SRGAP3: variants seen among roughly 807,000 people sequenced by gnomAD.
SRGAP3 encodes SLIT-ROBO Rho GTPase activating protein 3.
Under a neutral mutation model 121.1 loss-of-function variants are expected in SRGAP3, and 39 were observed. That is an observed-to-expected ratio of 0.32 (90% CI 0.25 to 0.42). SRGAP3 has a LOEUF of 0.42. Among genes scored for constraint, SRGAP3 ranks in the 10% least tolerant of loss-of-function variants. The pLI, the probability that SRGAP3 is intolerant of heterozygous loss-of-function variation, is 1.00. For synonymous variants in SRGAP3, 601 were observed against 570.0 expected, an observed-to-expected ratio of 1.05 and a Z score of -0.77; for missense variants, 1,213 against 1,470.6, an observed-to-expected ratio of 0.82 and a Z score of 2.86.
intron 8 of SRGAP3, among the ~76,000 whole-genome samples, chr3:9,054,241 C>T (rs1945714829): frequency 6.6e-6 from 1 of 152,204 alleles, no homozygotes; most frequent in Non-Finnish European, 1.5e-5. Context: ...GGCAAACCTA[C>T]TTCATTATAC....
rs953277627 is a variant in SRGAP3, at chr3:9,032,707, C to T, written c.1482G>A (p.Arg494=). ...PPKPQKMRRP[R]PLSVYSHKLF... The stretch of plus-strand genomic sequence containing the variant: ...GTTTATGGCTATACACTGAGAGAGG[C>T]CTAGGTCTCCTCATTTTCTGTGGTT... The change falls in exon 12 of 22, where the codon AGG becomes AGA. Residue 494 remains arginine, a synonymous_variant. Coordinates refer to ENST00000383836, the MANE Select transcript of SRGAP3 (RefSeq NM_014850.4). 1 of 1,613,128 alleles carries T rather than the reference C, an allele frequency of 6.2e-7. No homozygotes were observed. Among genetic ancestry groups the T allele is most frequent in the South Asian group, 1.1e-5 (1 of 91,012 alleles).
chr3:9,316,642 G>A (rs1955351542), intron 3 of SRGAP3, among the ~76,000 whole-genome samples: 1 of 152,020 alleles, frequency 6.6e-6, no homozygotes, highest in Non-Finnish European at 1.5e-5. Flanking sequence ...CCTGGTGACA[G>A]AGACTCCATC....
chr3:9,165,816 A>G (rs1950768188), intron 1 of SRGAP3, among the ~76,000 whole-genome samples: 1 of 151,978 alleles, frequency 6.6e-6, no homozygotes, highest in South Asian at 2.1e-4. Flanking sequence ...CCCTATCACC[A>G]TTTGTCCTTC....
chr3:9,160,369 ACTC>A (rs991047634), intron 1 of SRGAP3, among the ~76,000 whole-genome samples: 1 of 151,566 alleles, frequency 6.6e-6, no homozygotes, highest in Admixed American at 6.6e-5. Context: ...GGCATTGTGG[ACTC>A]CTCCTTATTT....
Position 9,167,957 on chromosome 3 carries a change from T to C in SRGAP3, c.68-43040A>G, listed in dbSNP as rs368366715. ...ACCTAATGACAAATAATGGTAGCTA[T>C]AGCATTTGTACAGCCATTTCCAATT... On this transcript the variant is annotated intron_variant, in intron 1 of 21. Transcript: ENST00000383836. Among the ~76,000 whole-genome samples the C allele has an allele frequency of 7.8e-4, 119 of 152,344 alleles. 2 individuals are homozygous for C. The South Asian group carries it at 0.024, about 30-fold the overall frequency.
At chr3:9,360,424 A>G (rs565351187) in intron 1 of SRGAP3, among the ~76,000 whole-genome samples, 1 of 152,374 alleles carries the variant, frequency 6.6e-6, no homozygotes. Context: ...ATCCTAAGTC[A>G]GAAAGCATCT....
chr3:9,022,483 G>A (rs1484642110), intron 14 of SRGAP3, among the ~76,000 whole-genome samples: 2 of 152,236 alleles, frequency 1.3e-5, no homozygotes, highest in Non-Finnish European at 2.9e-5. Flanking sequence ...GGGCCACCCC[G>A]TCGCCAGGGA....
intron 1 of SRGAP3, among the ~76,000 whole-genome samples, chr3:9,126,633 CTAACTAACTAACTAAATAAA>C (rs1175412644): frequency 7.0e-6 from 1 of 143,284 alleles, no homozygotes; most frequent in African/African-American, 2.9e-5. Flanking sequence ...AACTAACTAA[CTAACTAACTAACTAAATAAA>C]TAAATAAATA....
intron 7 of SRGAP3, among the ~76,000 whole-genome samples, chr3:9,056,788 C>T (rs368647373): frequency 2.0e-5 from 3 of 152,196 alleles, no homozygotes; most frequent in African/African-American, 7.2e-5. Flanking sequence ...AGCTGTGAGA[C>T]AATGTGCTCT....
chr3:9,361,098 T>C (rs2030785899), intron 1 of SRGAP3, among the ~76,000 whole-genome samples: 1 of 152,190 alleles, frequency 6.6e-6, no homozygotes, highest in African/African-American at 2.4e-5. Context: ...TCAAGCCCTT[T>C]ACATATTTTT....
intron 1 of SRGAP3, among the ~76,000 whole-genome samples, chr3:9,171,994 C>G (rs1027775753): frequency 6.6e-6 from 1 of 152,012 alleles, no homozygotes; most frequent in Non-Finnish European, 1.5e-5. Flanking sequence ...GATTCATGCT[C>G]CCATGGCCTT....
intron 4 of SRGAP3, among the ~76,000 whole-genome samples, chr3:9,067,757 A>G (rs372251187): frequency 3.2e-4 from 48 of 152,294 alleles, no homozygotes; most frequent in African/African-American, 1.0e-3. Context: ...ACGTTTACCT[A>G]TGTAACAAAC....
chr3:9,072,433 G>T (rs1188493159), intron 4 of SRGAP3, among the ~76,000 whole-genome samples: 1 of 152,196 alleles, frequency 6.6e-6, no homozygotes, highest in East Asian at 1.9e-4. Context: ...CTTAGTGAAT[G>T]GGTGTCTGGG....
chr3:9,321,976 A>G (rs1226899105), intron 3 of SRGAP3, among the ~76,000 whole-genome samples: 1 of 150,464 alleles, frequency 6.6e-6, no homozygotes, highest in Non-Finnish European at 1.5e-5. Context: ...CAACTTAAAA[A>G]ATAATAATAA....
chr3:9,139,520 C>G (rs1949777875), intron 1 of SRGAP3, among the ~76,000 whole-genome samples: 1 of 152,224 alleles, frequency 6.6e-6, no homozygotes. Flanking sequence ...CCACCAGAAA[C>G]TGGAAGAGAC....
At chr3:9,336,072 G>A (rs999176727) in intron 1 of SRGAP3, among the ~76,000 whole-genome samples, 2 of 152,046 alleles carry the variant, frequency 1.3e-5, no homozygotes, top group Non-Finnish European at 2.9e-5. Flanking sequence ...ATTTGTAACG[G>A]AGGCTTCCCC....
intron 2 of SRGAP3, among the ~76,000 whole-genome samples, chr3:9,124,245 G>C (rs1473114243): frequency 6.6e-6 from 1 of 152,124 alleles, no homozygotes; most frequent in Non-Finnish European, 1.5e-5. Context: ...TCCTCCAGGA[G>C]AGCAAGGAAG....
chr3:9,168,120 T>G (rs906734330), intron 1 of SRGAP3, among the ~76,000 whole-genome samples: 5 of 152,172 alleles, frequency 3.3e-5, no homozygotes, highest in Admixed American at 3.3e-4. Flanking sequence ...AGGGTATAAC[T>G]AGCAAGTGGC....
intron 1 of SRGAP3, among the ~76,000 whole-genome samples, chr3:9,337,127 T>G (rs1247938112): frequency 1.3e-5 from 2 of 152,168 alleles, no homozygotes; most frequent in East Asian, 1.9e-4. Flanking sequence ...TCAAAGTCAG[T>G]CAGGCAGGCA....
Sources: allele counts gnomAD v4.1 joint callset (sites outside exome capture counted in the v4.1 genomes callset), GRCh38; gene constraint gnomAD v4.1.1; transcripts MANE v1.5; gene names NCBI Gene and HGNC (gene_info 2026-07-23, HGNC 2026-07-21).